The following ERAP1 variants were observed in gnomAD, a reference collection of about 807,000 sequenced individuals.
ERAP1 encodes the protein adipocyte-derived leucine aminopeptidase.
ERAP1 carries 86 observed loss-of-function variants against 103.7 expected under a neutral mutation model. The ratio of observed to expected loss-of-function variants is 0.83; its 90% CI spans 0.70 to 0.99. ERAP1 has a LOEUF of 0.99. ERAP1 is among the 50% of genes least tolerant of loss of function. The pLI is 0.00. For synonymous variants in ERAP1, 398 were observed against 402.4 expected (o/e 0.99, Z 0.13); for missense variants, 1,009 against 1,128.4 (o/e 0.89, Z 1.52).
At chr5:96,795,334 C>A (rs25866) in intron 4 of ERAP1, among the ~76,000 whole-genome samples, 172 bp from the exon 5 acceptor site, 38,797 of 151,964 alleles carry the variant, frequency 0.26, 5,099 homozygotes, top group Admixed American at 0.33. Context: ...CTGATTAATC[C>A]CCCTTCTGAA....
the ERAP1 span, among the ~76,000 whole-genome samples, chr5:96,887,096 TATATACAC>T: frequency 2.9e-3 from 401 of 140,294 alleles, 1 homozygote; most frequent in African/African-American, 9.6e-3. Context: ...TATATATATA[TATATACAC>T]ACACACACAC....
chr5:96,825,586 G>T, the ERAP1 span, among the ~76,000 whole-genome samples: 1 of 152,108 alleles, frequency 6.6e-6, no homozygotes, highest in Admixed American at 6.6e-5. Flanking sequence ...CTCCATAAAT[G>T]CTTATTGAAT....
At chr5:96,807,334 A>C (rs1581653082) in intron 1 of ERAP1, among the ~76,000 whole-genome samples, 1 of 151,996 alleles carries the variant, frequency 6.6e-6, no homozygotes. Flanking sequence ...ATCCCACCCC[A>C]CCAGAGTCTT....
the ERAP1 span, among the ~76,000 whole-genome samples, chr5:96,815,460 G>A: frequency 7.1e-6 from 1 of 141,112 alleles, no homozygotes; most frequent in South Asian, 2.2e-4. Flanking sequence ...TGCCCGGGCT[G>A]GAGTGCAATG....
intron 13 of ERAP1, among the ~76,000 whole-genome samples, chr5:96,784,533 C>G (rs1400145350): frequency 6.6e-6 from 1 of 152,166 alleles, no homozygotes; most frequent in East Asian, 1.9e-4. Flanking sequence ...AGTCTCTTTT[C>G]TATCACATAT....
At chr5:96,864,231 C>A in the ERAP1 span, among the ~76,000 whole-genome samples, 2,072 of 152,218 alleles carry the variant, frequency 0.014, 56 homozygotes, top group African/African-American at 0.047. Flanking sequence ...GATTTAGTGG[C>A]GATTTGACAC....
chr5:96,784,960 G>A (rs1775793773), intron 13 of ERAP1: 1 of 152,156 alleles, frequency 6.6e-6, no homozygotes, highest in Non-Finnish European at 1.5e-5. Flanking sequence ...AAACAGCTAG[G>A]TAAGCAACCC....
chr5:96,912,722 CTGTCAA>C, the ERAP1 span: 1 of 1,603,880 alleles, frequency 6.2e-7, no homozygotes, highest in Non-Finnish European at 8.5e-7. Context: ...GCAATATGAA[CTGTCAA>C]TGTCAAGTGC....
chr5:96,845,390 A>C, the ERAP1 span, among the ~76,000 whole-genome samples: 3 of 152,100 alleles, frequency 2.0e-5, no homozygotes, highest in African/African-American at 4.8e-5. Flanking sequence ...GCACACCATC[A>C]TGCCCGGCTA....
rs143154113 is a variant in ERAP1 at position 96,787,842 on chromosome 5, A to C, written c.1679+689T>G. Among the ~76,000 whole-genome samples the C allele has an allele frequency of 1.8e-3, 275 of 151,324 alleles. 5 individuals are homozygous for C. The highest frequency in any genetic ancestry group is 6.4e-3 in the African/African-American group (265 of 41,286). On this transcript the variant is annotated intron_variant, in intron 11 of 18. Transcript: ENST00000443439. ...CATATATATGTATATATACACACAC[A>C]CATATATCCACACAAACATATACAT...
chr5:96,905,745 G>A, the ERAP1 span, among the ~76,000 whole-genome samples: 1 of 151,994 alleles, frequency 6.6e-6, no homozygotes, highest in Admixed American at 6.6e-5. Context: ...TTAGCCCAGT[G>A]TGGTGGTGTA....
chr5:96,841,111 T>G, the ERAP1 span, among the ~76,000 whole-genome samples: 1 of 152,186 alleles, frequency 6.6e-6, no homozygotes. Context: ...GTACATAAAT[T>G]CATTCCCACC....
At chr5:96,856,151 TG>T in the ERAP1 span, among the ~76,000 whole-genome samples, 3 of 150,822 alleles carry the variant, frequency 2.0e-5, no homozygotes, top group Non-Finnish European at 3.0e-5. Context: ...AAACCCCGTC[TG>T]TATTAAAAAT....
chr5:96,829,243 GTTGTTTTTTCATAC>G, the ERAP1 span, among the ~76,000 whole-genome samples: 78 of 152,186 alleles, frequency 5.1e-4, no homozygotes, highest in African/African-American at 1.4e-3. Flanking sequence ...GACATAATAG[GTTGTTTTTTCATAC>G]TTGTTTTTTC....
intron 19 of ERAP1, among the ~76,000 whole-genome samples, chr5:96,765,048 T>G (rs1769364150): frequency 6.6e-6 from 1 of 151,984 alleles, no homozygotes; most frequent in African/African-American, 2.4e-5. Context: ...TCTCCTGATC[T>G]TCCATTCCTA....
intron 18 of ERAP1, chr5:96,779,581 CACT>C (rs1774859959): frequency 1.3e-5 from 2 of 151,594 alleles, no homozygotes; most frequent in Admixed American, 1.3e-4. Flanking sequence ...ACAATGGAAC[CACT>C]CCTAAAAAAA....
chr5:96,925,911 CTTTTTTTTT>C, the ERAP1 span, among the ~76,000 whole-genome samples: 1 of 105,672 alleles, frequency 9.5e-6, no homozygotes, highest in Non-Finnish European at 1.9e-5. Context: ...GTATAATTTG[CTTTTTTTTT>C]TTTTTTTTTT....
chr5:96,870,932 C>A, the ERAP1 span, among the ~76,000 whole-genome samples: 1,092 of 152,302 alleles, frequency 7.2e-3, 12 homozygotes, highest in African/African-American at 0.025. Context: ...TCTGTGCAAG[C>A]ACCAGGCTTT....
rs749121947 is a variant in ERAP1 at position 96,800,863 on chromosome 5, A to C, written c.662T>G (p.Leu221Trp). The C allele has an allele frequency of 1.2e-6, 2 of 1,614,158 alleles. No individual in the cohort carries two copies. Among genetic ancestry groups the C allele is most frequent in the Non-Finnish European group, 1.7e-6 (2 of 1,180,014 alleles). ...PRHLAISNMP[L>W]VKSVTVAEGL... ...AAATACACAGGAGTGCAGACTCACC[A>C]ATGGCATATTGGAGATGGCTAGGTG... is the stretch of plus-strand genomic sequence containing the variant. The change falls in exon 3 of 19, where the codon TTG becomes TGG. Residue 221 changes from leucine to tryptophan, a missense_variant and splice_region_variant. This residue lies in a region of ERAP1 where 392 missense variants were observed against 455.2 expected (regional missense o/e 0.86). Transcript: ENST00000443439.
Sources: gnomAD v4.1 joint callset for allele counts (sites outside exome capture counted in the v4.1 genomes callset) on GRCh38, gnomAD v4.1.1 for gene constraint, gnomAD v4.1.1 regional missense constraint, MANE v1.5 for transcripts, NCBI Gene and HGNC (gene_info 2026-07-23, HGNC 2026-07-21) for gene names.